The following CEP72 variants were observed in gnomAD, a reference collection of about 807,000 sequenced individuals.
CEP72 encodes centrosomal protein 72.
Under a neutral mutation model 65.7 loss-of-function variants are expected in CEP72, and 78 were observed. That is an observed-to-expected ratio of 1.19 (90% CI 0.99 to 1.43). CEP72 has a LOEUF of 1.43. Among genes scored for constraint, CEP72 ranks in the 40% most tolerant of loss-of-function variants. The pLI is 0.00. For synonymous variants in CEP72, 358 were observed against 351.7 expected, an observed-to-expected ratio of 1.02 and a Z score of -0.20; for missense variants, 914 against 832.9, an observed-to-expected ratio of 1.10 and a Z score of -1.20.
downstream of CEP72, among the ~76,000 whole-genome samples, chr5:671,808 C>T (rs983476975): frequency 7.2e-5 from 11 of 152,328 alleles, no homozygotes; most frequent in South Asian, 6.2e-4. Context: ...GCTCCAGAGC[C>T]GCCGAGTGCA....
chr5:654,257 G>C (rs1443929060), downstream of CEP72, among the ~76,000 whole-genome samples: 1 of 146,544 alleles, frequency 6.8e-6, no homozygotes, highest in Non-Finnish European at 1.5e-5. Flanking sequence ...CATGCTTGCT[G>C]TGTGTGTGTG....
At chr5:652,347 C>T (rs1320334819) in intron 11 of CEP72, among the ~76,000 whole-genome samples, 1 of 152,202 alleles carries the variant, frequency 6.6e-6, no homozygotes, top group Non-Finnish European at 1.5e-5. Context: ...GTGGCCCTGT[C>T]AGTGGGGTGC....
In CEP72 at chr5:665,519, C is replaced by T. The variant is rs562948253; in HGVS notation, n.433+194C>T. ...CAACCCTAACAATTGCCCAGGTCCACCTGGTGTTTATGTAGTTGGGGACCC... is the reference window on the plus strand; with the variant it reads ...CAACCCTAACAATTGCCCAGGTCCATCTGGTGTTTATGTAGTTGGGGACCC... On this transcript the variant is annotated intron_variant and non_coding_transcript_variant, in intron 3 of 4. Coordinates refer to the CEP72 transcript ENST00000514507. Among the ~76,000 whole-genome samples the T allele has an allele frequency of 2.8e-4, 43 of 152,174 alleles. 1 individual carries two copies. The South Asian group carries it at 2.9e-3, about 10-fold the overall frequency.
In CEP72 at chr5:648,731, GAGGCAT is replaced by G. The variant is rs1360896277; in HGVS notation, c.1778+816_1778+821del. On this transcript the variant is annotated intron_variant, in intron 11 of 11. Coordinates refer to ENST00000264935, the MANE Select transcript of CEP72 (RefSeq NM_018140.4). ...AGGCGTGACTGTGAGGCGTGACTGT[GAGGCAT>G]GACTGTGAGGTGTGGACTGTGAGGT... 2.3e-3 allele frequency among the ~76,000 whole-genome samples: 146 copies of G among 64,178 alleles called. 2 individuals carry two copies. The highest frequency in any genetic ancestry group is 7.6e-3 in the African/African-American group (139 of 18,214). The allele number at this position is 64,178 out of a possible 152,430, so 42.1% of individuals were successfully genotyped here. A position where few individuals can be genotyped will look rare whatever the true frequency, so the allele number is the denominator to read the frequency against.
intron 4 of CEP72, among the ~76,000 whole-genome samples, chr5:625,334 AT>A (rs1357662742): frequency 1.3e-5 from 2 of 151,886 alleles, no homozygotes; most frequent in African/African-American, 2.4e-5. Context: ...TAATCAAATC[AT>A]TTTTTTTCTT....
intron 9 of CEP72, chr5:642,348 G>T: frequency 2.0e-6 from 2 of 985,316 alleles, no homozygotes; most frequent in South Asian, 4.7e-5. Context: ...AGCACACATG[G>T]CCCCTTCTCT....
downstream of CEP72, chr5:660,535 TC>T (rs1327921300): frequency 6.6e-6 from 1 of 152,340 alleles, no homozygotes; most frequent in Non-Finnish European, 1.5e-5. Context: ...AGCCTCATCT[TC>T]CCCCTGTGCC....
At chr5:642,414 AAC>A (rs577454728) in intron 9 of CEP72, 199 of 985,450 alleles carry the variant, frequency 2.0e-4, no homozygotes, top group Non-Finnish European at 2.3e-4. Context: ...TTTATACTGA[AAC>A]ACACGTGACC....
intron 7 of CEP72, 41 bp from the exon 8 acceptor site, chr5:639,048 G>T (rs972767626): frequency 6.2e-7 from 1 of 1,611,822 alleles, no homozygotes; most frequent in Non-Finnish European, 8.5e-7. Flanking sequence ...CAGGACCTCA[G>T]TTACTGACTC....
At chr5:668,094 C>G (rs1379501845), downstream of CEP72, among the ~76,000 whole-genome samples, 1 of 80,172 alleles carries the variant, frequency 1.2e-5, no homozygotes. Flanking sequence ...TCCGCGTGGG[C>G]CCCATCAGGG....
chr5:625,630 T>C (rs1357376117), intron 4 of CEP72, among the ~76,000 whole-genome samples: 4 of 152,234 alleles, frequency 2.6e-5, no homozygotes, highest in South Asian at 2.1e-4. Flanking sequence ...TTCCCTCAGA[T>C]ACCTGTCCTG....
rs758700072 is a variant in CEP72, at chr5:640,568, G to T, written c.1503G>T (p.Glu501Asp). ...AGCAGCACGCCCGGGAGATGAGCGA[G>T]GTGACGGCGGAGCTGCACCACACAC... ...QQQQHAREMSEVTAELHHTHK... is the reference protein window; with the variant it reads ...QQQQHAREMSDVTAELHHTHK... Residue 501 changes from glutamate to aspartate, a missense_variant, in exon 9 of 12, where the codon GAG becomes GAT. Coordinates refer to ENST00000264935, the MANE Select transcript of CEP72 (RefSeq NM_018140.4). 4 of 1,613,766 alleles carry T rather than the reference G, an allele frequency of 2.5e-6. No individual in the cohort carries two copies. Among genetic ancestry groups the T allele is most frequent in the Middle Eastern group, 3.4e-4 (2 of 5,936 alleles).
chr5:613,923 A>G (rs1330605730), intron 1 of CEP72, among the ~76,000 whole-genome samples: 1 of 152,208 alleles, frequency 6.6e-6, no homozygotes, highest in Admixed American at 6.5e-5. Flanking sequence ...CTCGTGACAA[A>G]ATCCAAGTGA....
chr5:616,358 T>G (rs1301823392), intron 1 of CEP72, among the ~76,000 whole-genome samples: 2 of 152,200 alleles, frequency 1.3e-5, no homozygotes, highest in African/African-American at 2.4e-5. Context: ...CTAAGACTAG[T>G]TTTTCCTTTG....
chr5:670,700 C>G (rs1740190365), downstream of CEP72, among the ~76,000 whole-genome samples: 1 of 152,178 alleles, frequency 6.6e-6, no homozygotes, highest in Non-Finnish European at 1.5e-5. Flanking sequence ...TCCAGCAGGA[C>G]CCAGCCTTGG....
At position 624,009 on chromosome 5, in the gene CEP72, CAGG is replaced by C. The variant is rs1332715341; in HGVS notation, c.404-459_404-457del. 6.6e-6 allele frequency among the ~76,000 whole-genome samples: 1 copy of C among 152,062 alleles called. No individual in the cohort carries two copies. ...TTCAGGGATTTACATGAGGAAGCTC[CAGG>C]AGTTCTTGGGTGGGAGCCTGGTGGC... On this transcript the variant is annotated intron_variant, in intron 3 of 11. Transcript: ENST00000264935. The surrounding 1 kb of genome is among the most constrained non-coding windows in gnomAD (Gnocchi z 4.7).
rs1156931288 is a variant in CEP72 at position 633,908 on chromosome 5, A to T, written c.652A>T (p.Ser218Cys). 1 of 1,613,140 alleles carries T rather than the reference A, an allele frequency of 6.2e-7. No homozygotes were observed. Among genetic ancestry groups the T allele is most frequent in the East Asian group, 2.2e-5 (1 of 44,888 alleles). Residue 218 changes from serine (S) to cysteine (C), a missense_variant, in exon 5 of 12, where the codon AGC becomes TGC. By Grantham distance (112) the Ser-to-Cys change is moderately radical. Coordinates refer to ENST00000264935, the MANE Select transcript of CEP72 (RefSeq NM_018140.4). ...CAGGCCTCCCGGGAGCACGAGCTTCAGCCAGAAGGGGCGTGAGGCCGACTC... is the reference window on the plus strand; with the variant it reads ...CAGGCCTCCCGGGAGCACGAGCTTCTGCCAGAAGGGGCGTGAGGCCGACTC... Reference protein sequence around the residue: ...LGRPPGSTSFSQKGREADSRG... With the variant: ...LGRPPGSTSFCQKGREADSRG...
downstream of CEP72, among the ~76,000 whole-genome samples, chr5:654,265 G>A (rs1739299878): frequency 6.7e-6 from 1 of 148,514 alleles, no homozygotes. Context: ...CTGTGTGTGT[G>A]TGCTTGTGCG....
chr5:634,558 C>G (rs1737460602), intron 5 of CEP72, among the ~76,000 whole-genome samples: 1 of 152,230 alleles, frequency 6.6e-6, no homozygotes, highest in Admixed American at 6.5e-5. Flanking sequence ...CATGTCCTTG[C>G]CGGCACTGGG....
Sources: gnomAD v4.1 joint callset for allele counts (sites outside exome capture counted in the v4.1 genomes callset) on GRCh38, gnomAD v4.1.1 for gene constraint, Gnocchi (gnomAD v3.1) non-coding constraint, MANE v1.5 for transcripts, NCBI Gene and HGNC (gene_info 2026-07-23, HGNC 2026-07-21) for gene names.